Variants in TIAM1 observed in about 807,000 individuals in gnomAD.
TIAM1 encodes the protein TIAM Rac1 associated GEF 1.
Under a neutral mutation model 163.5 loss-of-function variants are expected in TIAM1, and 65 were observed. The observed-to-expected ratio is 0.40, with a 90% CI of 0.33 to 0.49. The LOEUF (loss-of-function observed/expected upper bound fraction) is 0.49. Among genes scored for constraint, TIAM1 ranks in the 20% least tolerant of loss-of-function variants. TIAM1 has a pLI of 0.77. For missense variants in TIAM1, 1,789 were observed against 2,044.7 expected, an observed-to-expected ratio of 0.87 and a Z score of 2.41; for synonymous variants, 833 against 810.1, an observed-to-expected ratio of 1.03 and a Z score of -0.48.
chr21:31,413,264 CT>C (rs397866519), intron 2 of TIAM1, among the ~76,000 whole-genome samples: 7,653 of 88,028 alleles, frequency 0.087, 62 homozygotes, highest in African/African-American at 0.18. Flanking sequence ...CTTTTCTTTT[CT>C]TTTTTTTTTT....
intron 1 of TIAM1, among the ~76,000 whole-genome samples, chr21:31,528,017 T>C (rs2047843068): frequency 6.6e-6 from 1 of 152,170 alleles, no homozygotes; most frequent in Non-Finnish European, 1.5e-5. Flanking sequence ...ATAGCTGAGA[T>C]GGGAAGCCCT....
At position 31,483,733 on chromosome 21, in the gene TIAM1, G is replaced by A. The variant is rs79650756; in HGVS notation, c.-421-19698C>T. 4.3e-3 allele frequency among the ~76,000 whole-genome samples: 647 copies of A among 152,156 alleles called. 5 individuals carry two copies. The highest frequency in any genetic ancestry group is 0.015 in the African/African-American group (607 of 41,532). ...TGACAGAGTCCGTGCATCCAGTCAAGGAGCAGCCTGACAAATCTGCACATA... is the reference window on the plus strand; with the variant it reads ...TGACAGAGTCCGTGCATCCAGTCAAAGAGCAGCCTGACAAATCTGCACATA... On this transcript the variant is annotated intron_variant, in intron 1 of 28. Transcript: ENST00000286827.
intron 1 of TIAM1, among the ~76,000 whole-genome samples, chr21:31,341,791 T>G (rs2076026805): frequency 6.6e-6 from 1 of 152,208 alleles, no homozygotes; most frequent in South Asian, 2.1e-4. Flanking sequence ...AAAGGCTGTT[T>G]AAGGCCTTTT....
chr21:31,408,256 C>T (rs1246112557), intron 2 of TIAM1, among the ~76,000 whole-genome samples: 1 of 152,152 alleles, frequency 6.6e-6, no homozygotes, highest in Non-Finnish European at 1.5e-5. Flanking sequence ...CAAAATCTTA[C>T]ACTTGTAAAG....
At chr21:31,464,831 AGCTTCC>A (rs959876415) in intron 1 of TIAM1, among the ~76,000 whole-genome samples, 2 of 138,756 alleles carry the variant, frequency 1.4e-5, no homozygotes, top group Non-Finnish European at 3.1e-5. Context: ...TGATAGAGCA[AGCTTCC>A]GTCTCGGGAA....
Position 31,154,436 on chromosome 21 carries a change from A to G in TIAM1, c.2992-10T>C. 6.2e-7 allele frequency: 1 copy of G among 1,610,248 alleles called. No individual in the cohort carries two copies. Among genetic ancestry groups the G allele is most frequent in the Non-Finnish European group, 8.5e-7 (1 of 1,177,220 alleles). On this transcript the variant is annotated splice_polypyrimidine_tract_variant and intron_variant, in intron 16 of 27. Coordinates refer to ENST00000541036, the MANE Select transcript of TIAM1 (RefSeq NM_001353694.2). ...CCACCTGTTCTGTACTCTTCGGAGCACAGGGGGGAAGGGAAGGCAGAGGTC... is the reference window on the plus strand; with the variant it reads ...CCACCTGTTCTGTACTCTTCGGAGCGCAGGGGGGAAGGGAAGGCAGAGGTC...
At chr21:31,519,693 T>A (rs73199528) in intron 1 of TIAM1, among the ~76,000 whole-genome samples, 19,473 of 152,046 alleles carry the variant, frequency 0.13, 2,180 homozygotes, top group East Asian at 0.62. Flanking sequence ...AAAGGTGGCA[T>A]ATCCATACAA....
intron 15 of TIAM1, among the ~76,000 whole-genome samples, chr21:31,172,323 T>C (rs764881714): frequency 1.3e-5 from 2 of 151,926 alleles, no homozygotes; most frequent in Non-Finnish European, 2.9e-5. Flanking sequence ...TTTAATCCCA[T>C]ACAAACAGAG....
At chr21:31,136,960 A>C (rs2082644206) in intron 22 of TIAM1, among the ~76,000 whole-genome samples, 1 of 152,248 alleles carries the variant, frequency 6.6e-6, no homozygotes, top group Non-Finnish European at 1.5e-5. Flanking sequence ...TGAATGCTGG[A>C]ATCCCAAGAG....
intron 6 of TIAM1, among the ~76,000 whole-genome samples, chr21:31,233,811 A>T (rs2088577602): frequency 6.6e-6 from 1 of 152,204 alleles, no homozygotes; most frequent in Non-Finnish European, 1.5e-5. Flanking sequence ...TTGGAGAAGA[A>T]AGGAAGCTCT....
intron 2 of TIAM1, among the ~76,000 whole-genome samples, chr21:31,398,423 C>A (rs939765147): frequency 6.6e-6 from 1 of 152,104 alleles, no homozygotes; most frequent in African/African-American, 2.4e-5. Context: ...AAAATTTTTT[C>A]TTAAATAAAC....
chr21:31,282,939 C>A (rs954231736), intron 2 of TIAM1, among the ~76,000 whole-genome samples: 4 of 152,220 alleles, frequency 2.6e-5, no homozygotes, highest in Admixed American at 1.3e-4. Context: ...AGAACAGATT[C>A]ATACAATCAA....
At chr21:31,218,269 G>GA (rs1442980509) in intron 8 of TIAM1, among the ~76,000 whole-genome samples, 1 of 152,086 alleles carries the variant, frequency 6.6e-6, no homozygotes, top group Non-Finnish European at 1.5e-5. Flanking sequence ...ATCTTAGTCA[G>GA]AAAAATCTCA....
At chr21:31,522,521 AC>A (rs2047637153) in intron 1 of TIAM1, among the ~76,000 whole-genome samples, 1 of 151,776 alleles carries the variant, frequency 6.6e-6, no homozygotes, top group African/African-American at 2.4e-5. Context: ...AAAAAAAAAA[AC>A]AAAAACAAAA....
intron 3 of TIAM1, among the ~76,000 whole-genome samples, chr21:31,270,331 C>CA (rs1008501456): frequency 1.3e-5 from 2 of 152,086 alleles, no homozygotes; most frequent in Non-Finnish European, 2.9e-5. Flanking sequence ...ATATTTGGGA[C>CA]AAGGAGGACA....
chr21:31,375,302 T>C (rs1462563149), intron 2 of TIAM1, among the ~76,000 whole-genome samples: 1 of 152,198 alleles, frequency 6.6e-6, no homozygotes, highest in Non-Finnish European at 1.5e-5. Context: ...GCCATCTACC[T>C]CCAGGCAAAT....
At chr21:31,227,239 G>T (rs899461604) in intron 6 of TIAM1, among the ~76,000 whole-genome samples, 1 of 152,036 alleles carries the variant, frequency 6.6e-6, no homozygotes, top group Non-Finnish European at 1.5e-5. Flanking sequence ...TTACAGATGT[G>T]AGCCATCTTG....
chr21:31,196,707 A>T lies in TIAM1; in HGVS notation c.2494-1402T>A, dbSNP rs118128158. Among the ~76,000 whole-genome samples, 2,562 of 152,240 alleles carry T rather than the reference A, an allele frequency of 0.017. 228 individuals carry two copies. The East Asian group carries it at 0.27, about 16-fold the overall frequency. ...AGTTTGGAGACTTCTCAAAGAACTT[A>T]GAACTACCGCTTGACGCAGCAATCC... On this transcript the variant is annotated intron_variant, in intron 12 of 27. Coordinates refer to ENST00000541036, the MANE Select transcript of TIAM1 (RefSeq NM_001353694.2).
At chr21:31,469,079 CT>C (rs765505214) in intron 1 of TIAM1, among the ~76,000 whole-genome samples, 29,830 of 110,788 alleles carry the variant, frequency 0.27, 2,652 homozygotes, top group Admixed American at 0.3. Context: ...GAACCAATCC[CT>C]TTTTTTTTTT....
Sources: allele counts gnomAD v4.1 joint callset (sites outside exome capture counted in the v4.1 genomes callset), GRCh38; gene constraint gnomAD v4.1.1; transcripts MANE v1.5; gene names NCBI Gene and HGNC (gene_info 2026-07-23, HGNC 2026-07-21).